CHRM3: variants seen among roughly 807,000 people sequenced by gnomAD.
The protein encoded by CHRM3 is muscarinic acetylcholine receptor M3.
Under a neutral mutation model 41.8 loss-of-function variants are expected in CHRM3, and 11 were observed. That is an observed-to-expected ratio of 0.26 (90% confidence interval 0.17 to 0.44). CHRM3 has a LOEUF of 0.44. Ranked by LOEUF, CHRM3 falls within the 20% of genes least tolerant of loss-of-function variation. The pLI, the probability that CHRM3 is intolerant of heterozygous loss-of-function variation, is 1.00. For synonymous variants in CHRM3, 297 were observed against 301.4 expected (o/e 0.99, Z 0.15); for missense variants, 571 against 745.4 (o/e 0.77, Z 2.72).
chr1:239,906,518 A>G (rs1164607090), intron 6 of CHRM3, among the ~76,000 whole-genome samples: 1 of 152,130 alleles, frequency 6.6e-6, no homozygotes, highest in Non-Finnish European at 1.5e-5. Flanking sequence ...ACAGGTCACA[A>G]CCGAGGCCAA....
At chr1:239,796,535 G>T (rs1430072132) in intron 5 of CHRM3, among the ~76,000 whole-genome samples, 1 of 151,810 alleles carries the variant, frequency 6.6e-6, no homozygotes, top group Non-Finnish European at 1.5e-5. Context: ...GGACATTTTG[G>T]TGCAATTAAG....
At chr1:239,402,773 T>C (rs528707831) in intron 1 of CHRM3, among the ~76,000 whole-genome samples, 1 of 152,190 alleles carries the variant, frequency 6.6e-6, no homozygotes. Context: ...TCAAGTCTCT[T>C]GTATAAAACA....
chr1:239,766,693 A>ATAGATATAGATT (rs1259973919), intron 5 of CHRM3, among the ~76,000 whole-genome samples: 1 of 146,834 alleles, frequency 6.8e-6, no homozygotes, highest in Non-Finnish European at 1.5e-5. Flanking sequence ...AGATATAGAT[A>ATAGATATAGATT]TAGATATAGA....
At chr1:239,582,818 C>T (rs1419068756) in intron 3 of CHRM3, among the ~76,000 whole-genome samples, 1 of 152,106 alleles carries the variant, frequency 6.6e-6, no homozygotes. Context: ...CACATGGGAT[C>T]GAGCCGTGAG....
At chr1:239,449,753 T>TGTGTGC (rs58076099) in intron 1 of CHRM3, among the ~76,000 whole-genome samples, 5,251 of 151,670 alleles carry the variant, frequency 0.035, 272 homozygotes, top group African/African-American at 0.12. Context: ...TGTGTGTGTG[T>TGTGTGC]GCGTGTGTGT....
At chr1:239,658,045 T>C (rs1672869383) in intron 4 of CHRM3, among the ~76,000 whole-genome samples, 5 of 152,224 alleles carry the variant, frequency 3.3e-5, no homozygotes, top group Admixed American at 3.3e-4. Context: ...TTAATTTTAA[T>C]TTGAAATTTC....
At chr1:239,846,095 T>A (rs1018110595) in intron 6 of CHRM3, among the ~76,000 whole-genome samples, 5 of 152,192 alleles carry the variant, frequency 3.3e-5, no homozygotes, top group African/African-American at 1.2e-4. Flanking sequence ...ACAACTTTTT[T>A]TTTTTTCTAA....
At chr1:239,865,372 A>T (rs922898351) in intron 6 of CHRM3, among the ~76,000 whole-genome samples, 6 of 152,250 alleles carry the variant, frequency 3.9e-5, no homozygotes, top group African/African-American at 9.6e-5. Context: ...TCAGACAAAC[A>T]TTTTTATGTC....
intron 1 of CHRM3, among the ~76,000 whole-genome samples, chr1:239,426,061 C>T (rs1377671256): frequency 1.3e-5 from 2 of 150,596 alleles, no homozygotes; most frequent in Admixed American, 1.3e-4. Flanking sequence ...CATATGTATA[C>T]ACGTGCCATG....
intron 1 of CHRM3, among the ~76,000 whole-genome samples, chr1:239,395,761 C>T (rs893763908): frequency 2.6e-5 from 4 of 152,160 alleles, no homozygotes; most frequent in African/African-American, 9.7e-5. Context: ...TGTATCTTTT[C>T]TTAGTCTCTG....
intron 1 of CHRM3, among the ~76,000 whole-genome samples, chr1:239,409,112 T>A (rs1660872898): frequency 6.6e-6 from 1 of 152,192 alleles, no homozygotes; most frequent in Non-Finnish European, 1.5e-5. Flanking sequence ...GATACTGTAT[T>A]CTTTTATTTT....
chr1:239,670,526 A>G (rs1674247879), intron 4 of CHRM3, among the ~76,000 whole-genome samples: 1 of 152,048 alleles, frequency 6.6e-6, no homozygotes, highest in East Asian at 1.9e-4. Flanking sequence ...TTTTGTTTTT[A>G]TGGAGATAGA....
intron 3 of CHRM3, among the ~76,000 whole-genome samples, chr1:239,603,231 T>C (rs1350655963): frequency 6.6e-6 from 1 of 152,230 alleles, no homozygotes; most frequent in Non-Finnish European, 1.5e-5. Context: ...GTAAGTATCA[T>C]ATTTTTTATT....
At position 239,553,504 on chromosome 1, in the gene CHRM3, C is replaced by A. The variant is rs554092082; in HGVS notation, c.-313+7755C>A. On this transcript the variant is annotated intron_variant, in intron 3 of 6. Transcript: ENST00000676153. ...GATTGAAAATTTTGTTCATAAAAAT[C>A]AAATAATATCATTTAACATGTTTTC... is the stretch of plus-strand genomic sequence containing the variant. Among the ~76,000 whole-genome samples, 15 of 152,144 alleles carry A rather than the reference C, an allele frequency of 9.9e-5. 1 individual carries two copies. The highest frequency in any genetic ancestry group is 3.4e-4 in the African/African-American group (14 of 41,522).
intron 3 of CHRM3, among the ~76,000 whole-genome samples, chr1:239,617,406 T>G (rs1357274365): frequency 6.6e-6 from 1 of 152,122 alleles, no homozygotes; most frequent in Non-Finnish European, 1.5e-5. Context: ...CAGACAGTCC[T>G]GGTGACTCTC....
At chr1:239,837,966 T>C (rs1673465893) in intron 6 of CHRM3, among the ~76,000 whole-genome samples, 1 of 152,138 alleles carries the variant, frequency 6.6e-6, no homozygotes, top group Admixed American at 6.6e-5. Context: ...TAGATAACAA[T>C]ACTAAAAGGC....
intron 1 of CHRM3, among the ~76,000 whole-genome samples, chr1:239,415,214 A>G (rs1299146161): frequency 6.6e-6 from 1 of 152,162 alleles, no homozygotes; most frequent in Non-Finnish European, 1.5e-5. Flanking sequence ...CCAAGGCAGG[A>G]GGATCACCTG....
chr1:239,441,385 G>A (rs1009055493), intron 1 of CHRM3, among the ~76,000 whole-genome samples: 2 of 152,196 alleles, frequency 1.3e-5, no homozygotes, highest in African/African-American at 4.8e-5. Context: ...CTACTAAGAT[G>A]TTTTAATATC....
intron 1 of CHRM3, among the ~76,000 whole-genome samples, chr1:239,395,477 A>C (rs1389961601): frequency 6.6e-6 from 1 of 152,064 alleles, no homozygotes; most frequent in East Asian, 1.9e-4. Flanking sequence ...CACCTCCTAC[A>C]TTTAGCCAGG....
Sources: gnomAD v4.1 joint callset for allele counts (sites outside exome capture counted in the v4.1 genomes callset) on GRCh38, gnomAD v4.1.1 for gene constraint, MANE v1.5 for transcripts, NCBI Gene and HGNC (gene_info 2026-07-23, HGNC 2026-07-21) for gene names.